The following TRIM2 variants were observed in gnomAD, a reference collection of about 807,000 sequenced individuals.
TRIM2 encodes the protein tripartite motif containing 2.
Under a neutral mutation model 75.2 loss-of-function variants are expected in TRIM2, and 20 were observed. The observed-to-expected ratio is 0.27, with a 90% CI of 0.19 to 0.39. TRIM2 has a LOEUF of 0.39. TRIM2 is among the 10% of genes least tolerant of loss of function. TRIM2 has a pLI of 1.00. For missense variants in TRIM2, 660 were observed against 990.8 expected, an observed-to-expected ratio of 0.67 and a Z score of 4.48; for synonymous variants, 373 against 388.3, an observed-to-expected ratio of 0.96 and a Z score of 0.46.
chr4:153,216,701 A>T (rs1738562080), intron 1 of TRIM2, among the ~76,000 whole-genome samples: 1 of 152,240 alleles, frequency 6.6e-6, no homozygotes, highest in Admixed American at 6.5e-5. Context: ...GTTCAAGAGC[A>T]AGGCACCAGG....
chr4:153,246,059 C>T (rs62323706), intron 1 of TRIM2, among the ~76,000 whole-genome samples: 17,213 of 152,098 alleles, frequency 0.11, 1,314 homozygotes, highest in South Asian at 0.31. Context: ...ACTCACAAGT[C>T]AATAAAGTGT....
intron 9 of TRIM2, among the ~76,000 whole-genome samples, chr4:153,323,273 C>G (rs1216027529): frequency 2.0e-5 from 3 of 152,154 alleles, no homozygotes; most frequent in Non-Finnish European, 4.4e-5. Flanking sequence ...TTTTACGTCT[C>G]TTTGGTGTAG....
chr4:153,269,059 G>A (rs1755986552), intron 1 of TRIM2, among the ~76,000 whole-genome samples: 4 of 152,138 alleles, frequency 2.6e-5, no homozygotes, highest in Admixed American at 2.0e-4. Context: ...ATAGCATGTA[G>A]GGGAGGAAAA....
At chr4:153,244,558 G>C (rs928219565) in intron 1 of TRIM2, among the ~76,000 whole-genome samples, 1 of 151,202 alleles carries the variant, frequency 6.6e-6, no homozygotes, top group South Asian at 2.1e-4. Flanking sequence ...ACTGCACCTA[G>C]CAACACATAG....
chr4:153,200,425 A>G (rs535642873), upstream of TRIM2, among the ~76,000 whole-genome samples: 3 of 152,252 alleles, frequency 2.0e-5, no homozygotes, highest in South Asian at 6.2e-4. Flanking sequence ...GTGTTTATCC[A>G]TTCATCTTTT....
intron 1 of TRIM2, among the ~76,000 whole-genome samples, chr4:153,212,647 C>T (rs1737372390): frequency 6.6e-6 from 1 of 152,050 alleles, no homozygotes; most frequent in Non-Finnish European, 1.5e-5. Flanking sequence ...CGAAGTGAGA[C>T]TCTGTCTCTA....
chr4:153,310,833 G>A (rs1220673552), intron 6 of TRIM2, among the ~76,000 whole-genome samples: 3 of 152,108 alleles, frequency 2.0e-5, no homozygotes, highest in South Asian at 2.1e-4. Flanking sequence ...AAATATATAA[G>A]CAATGTTAGA....
rs1288539904 is a variant in TRIM2, at chr4:153,217,284, G to A, written c.30+12724G>A. Reference sequence around the variant, plus strand: ...TACAGATAACCCAAGTACCCAGGAGGCTGGAAGTGCTGTCACTGAAATACA... The same window carrying A: ...TACAGATAACCCAAGTACCCAGGAGACTGGAAGTGCTGTCACTGAAATACA... On this transcript the variant is annotated intron_variant, in intron 1 of 11. Transcript: ENST00000338700. 3.9e-5 allele frequency among the ~76,000 whole-genome samples: 6 copies of A among 152,126 alleles called. No individual in the cohort carries two copies. The South Asian group carries it at 6.2e-4, about 16-fold the overall frequency.
chr4:153,256,290 A>G (rs1752055723), intron 1 of TRIM2, among the ~76,000 whole-genome samples: 1 of 152,160 alleles, frequency 6.6e-6, no homozygotes, highest in Non-Finnish European at 1.5e-5. Context: ...TCCTCCTACT[A>G]CCACCAAAGG....
At chr4:153,208,978 C>G (rs1031708265) in intron 1 of TRIM2, among the ~76,000 whole-genome samples, 2 of 152,184 alleles carry the variant, frequency 1.3e-5, no homozygotes, top group African/African-American at 2.4e-5. Context: ...TTCAGAAGAT[C>G]CAGCATCAAT....
intron 2 of TRIM2, among the ~76,000 whole-genome samples, chr4:153,270,907 CA>C (rs1412618435): frequency 7.9e-5 from 12 of 152,144 alleles, no homozygotes; most frequent in African/African-American, 2.9e-4. Flanking sequence ...TCAGGTAAAA[CA>C]TCTGCATACA....
chr4:153,251,129 A>T (rs550469137), intron 1 of TRIM2, among the ~76,000 whole-genome samples: 1 of 152,342 alleles, frequency 6.6e-6, no homozygotes, highest in South Asian at 2.1e-4. Flanking sequence ...CTTAAGAGAA[A>T]GTCCTTTCTG....
At chr4:153,258,859 C>T (rs1752712469) in intron 1 of TRIM2, among the ~76,000 whole-genome samples, 1 of 152,180 alleles carries the variant, frequency 6.6e-6, no homozygotes, top group Non-Finnish European at 1.5e-5. Flanking sequence ...TTTCTGGTGT[C>T]TTTCATTATT....
At chr4:153,230,099 A>C (rs968236048) in intron 1 of TRIM2, among the ~76,000 whole-genome samples, 1 of 152,200 alleles carries the variant, frequency 6.6e-6, no homozygotes, top group Non-Finnish European at 1.5e-5. Flanking sequence ...TTCAGTCTCT[A>C]GGGGCCTAGG....
chr4:153,209,806 C>T (rs1196485139), intron 1 of TRIM2, among the ~76,000 whole-genome samples: 2 of 152,156 alleles, frequency 1.3e-5, no homozygotes, highest in African/African-American at 2.4e-5. Flanking sequence ...TGGTCTGGCA[C>T]TTTTCAATGT....
At chr4:153,219,170 C>A (rs1739296654) in intron 1 of TRIM2, among the ~76,000 whole-genome samples, 1 of 152,152 alleles carries the variant, frequency 6.6e-6, no homozygotes, top group South Asian at 2.1e-4. Flanking sequence ...CAGAATGAAA[C>A]TGGCTCTTTC....
intron 2 of TRIM2, among the ~76,000 whole-genome samples, chr4:153,274,524 G>A (rs1757587667): frequency 6.6e-6 from 1 of 152,196 alleles, no homozygotes; most frequent in African/African-American, 2.4e-5. Flanking sequence ...GATGTCAACA[G>A]GTCAGTTAAT....
chr4:153,225,109 C>T (rs1277070920), intron 1 of TRIM2, among the ~76,000 whole-genome samples: 2 of 152,142 alleles, frequency 1.3e-5, no homozygotes, highest in African/African-American at 4.8e-5. Flanking sequence ...TAGCAAGGCC[C>T]TAGGAAGCTT....
intron 1 of TRIM2, among the ~76,000 whole-genome samples, chr4:153,169,306 T>C (rs1730615379): frequency 6.6e-6 from 1 of 152,234 alleles, no homozygotes; most frequent in Admixed American, 6.5e-5. Flanking sequence ...AACTTTGCTG[T>C]GACTGACCTG....
Sources: gnomAD v4.1 joint callset for allele counts (sites outside exome capture counted in the v4.1 genomes callset) on GRCh38, gnomAD v4.1.1 for gene constraint, MANE v1.5 for transcripts, NCBI Gene and HGNC (gene_info 2026-07-23, HGNC 2026-07-21) for gene names.